FGF20: variants seen among roughly 807,000 people sequenced by gnomAD.
FGF20 encodes the protein fibroblast growth factor 20.
FGF20 carries 8 observed loss-of-function variants against 16.7 expected under a neutral mutation model. The ratio of observed to expected loss-of-function variants is 0.48; its 90% CI spans 0.28 to 0.87. FGF20 has a LOEUF of 0.87. FGF20 is among the 40% of genes least tolerant of loss of function. FGF20 has a pLI of 0.10. For missense variants in FGF20, 397 were observed against 281.4 expected (o/e 1.41, Z -2.94); for synonymous variants, 161 against 118.6 (o/e 1.36, Z -2.32).
chr8:17,001,534 T>C (rs1338155406), intron 1 of FGF20, among the ~76,000 whole-genome samples: 3 of 152,086 alleles, frequency 2.0e-5, no homozygotes, highest in Non-Finnish European at 4.4e-5. Context: ...TGCTAGAGGC[T>C]GCGGCGACAA....
chr8:16,998,003 C>T (rs1339922888), intron 1 of FGF20, among the ~76,000 whole-genome samples: 1 of 152,018 alleles, frequency 6.6e-6, no homozygotes, highest in African/African-American at 2.4e-5. Context: ...TTTCAAAGAA[C>T]AGGAACTGAT....
rs781141497 is a variant in FGF20 at position 17,002,058 on chromosome 8, GA to G, written c.-27del. On this transcript the variant is annotated 5_prime_UTR_variant, in exon 1 of 3. Transcript: ENST00000180166. ...GGAGGGGGAGATCCGGAACACAAAA[GA>G]CCCCCCCAGTAAAGAGTGTTGTGGG... 4.7e-5 allele frequency: 71 copies of G among 1,516,522 alleles called. No individual in the cohort carries two copies. Among genetic ancestry groups the G allele is most frequent in the Non-Finnish European group, 5.8e-5 (66 of 1,134,706 alleles). 93.9% of individuals were successfully genotyped at this position (1,516,522 alleles called of 1,614,324 possible). A position where few individuals can be genotyped will look rare whatever the true frequency, so the allele number is the denominator to read the frequency against.
rs566682826 is a variant in FGF20, at chr8:16,995,480, G to C, written c.390+175C>G. Among the ~76,000 whole-genome samples the C allele has an allele frequency of 2.6e-5, 4 of 152,198 alleles. No homozygotes were observed. In the South Asian group the frequency reaches 6.2e-4, roughly 24 times the overall value. ...GGTTGGGGGTTTTAAAAATATAATT[G>C]AGTTACTATACTATTGCCCAGACAC... On this transcript the variant is annotated intron_variant, in intron 2 of 2. Coordinates refer to ENST00000180166, the MANE Select transcript of FGF20 (RefSeq NM_019851.3).
chr8:16,992,193 T>G lies in FGF20; in HGVS notation c.*879A>C, dbSNP rs1215431366. The G allele has an allele frequency of 1.3e-5, 2 of 152,190 alleles. No homozygotes were observed. The highest frequency in any genetic ancestry group is 4.8e-5 in the African/African-American group (2 of 41,466). 9.4% of individuals were successfully genotyped at this position (152,190 alleles called of 1,614,324 possible). On this transcript the variant is annotated 3_prime_UTR_variant, in exon 3 of 3. Transcript: ENST00000180166. ...AGCCAAAACACTGCATGAAAATGTT[T>G]AATTCCCTTTTGAATGTGTGTTGAA... is the stretch of plus-strand genomic sequence containing the variant.
At chr8:17,001,697 G>T in intron 1 of FGF20, 50 bp downstream of exon 1, 1 of 1,511,352 alleles carries the variant, frequency 6.6e-7, no homozygotes, top group Non-Finnish European at 8.8e-7. Flanking sequence ...AGGGAACGAG[G>T]AGCCGAGCTG....
intron 1 of FGF20, 48 bp downstream of exon 1, chr8:17,001,699 G>T (rs1000581619): frequency 2.0e-6 from 3 of 1,513,614 alleles, no homozygotes; most frequent in Non-Finnish European, 1.8e-6. Flanking sequence ...GGAACGAGGA[G>T]CCGAGCTGGG....
chr8:16,993,524 G>T (rs1228305512), intron 2 of FGF20, among the ~76,000 whole-genome samples: 1 of 151,234 alleles, frequency 6.6e-6, no homozygotes, highest in African/African-American at 2.4e-5. Context: ...TAAAGTTGCA[G>T]TCCCCACCTC....
chr8:16,993,765 G>A (rs565380109), intron 2 of FGF20, among the ~76,000 whole-genome samples: 27 of 152,218 alleles, frequency 1.8e-4, no homozygotes, highest in African/African-American at 6.3e-4. Flanking sequence ...GGGGGTGAAC[G>A]GATGCAGTGA....
intron 1 of FGF20, among the ~76,000 whole-genome samples, chr8:17,001,179 CA>C (rs1810171634): frequency 6.6e-6 from 1 of 151,954 alleles, no homozygotes; most frequent in South Asian, 2.1e-4. Flanking sequence ...TGAACATTTG[CA>C]AGTCTCTAGG....
At chr8:16,994,394 A>C (rs1809995572) in intron 2 of FGF20, among the ~76,000 whole-genome samples, 1 of 152,208 alleles carries the variant, frequency 6.6e-6, no homozygotes, top group Non-Finnish European at 1.5e-5. Flanking sequence ...TTGTCTTTTC[A>C]AAATGGACTG....
In FGF20 at chr8:17,002,011, C is replaced by T. The variant is rs1236847607; in HGVS notation, c.22G>A (p.Gly8Arg). Residue 8 changes from glycine to arginine, a missense_variant, in exon 1 of 3, where the codon GGG becomes AGG. By Grantham distance (125) the Gly-to-Arg change is moderately radical. Transcript: ENST00000180166. The part of the protein sequence containing the change: MAPLAEV[G>R]GFLGGLEGLG... Reference sequence around the variant, plus strand: ...CCCTCCAGGCCGCCCAGAAAGCCCCCGACTTCGGCTAAGGGAGCCATGGAG... The same window carrying T: ...CCCTCCAGGCCGCCCAGAAAGCCCCTGACTTCGGCTAAGGGAGCCATGGAG... The T allele has an allele frequency of 1.3e-6, 2 of 1,537,320 alleles. No individual in the cohort carries two copies. Among genetic ancestry groups the T allele is most frequent in the Admixed American group, 4.0e-5 (2 of 50,332 alleles).
chr8:17,002,042 G>T lies in FGF20; in HGVS notation c.-10C>A. ...CGGCTAAGGGAGCCATGGAGGGGGA[G>T]ATCCGGAACACAAAAGACCCCCCCA... On this transcript the variant is annotated 5_prime_UTR_variant, in exon 1 of 3. Transcript: ENST00000180166. The T allele has an allele frequency of 6.5e-7, 1 of 1,535,998 alleles. No homozygotes were observed. The highest frequency in any genetic ancestry group is 8.8e-7 in the Non-Finnish European group (1 of 1,142,390).
At chr8:16,994,850 G>C (rs943707759) in intron 2 of FGF20, among the ~76,000 whole-genome samples, 1 of 152,072 alleles carries the variant, frequency 6.6e-6, no homozygotes, top group Non-Finnish European at 1.5e-5. Flanking sequence ...TCTTATAAAA[G>C]CATTTAGGCA....
intron 1 of FGF20, among the ~76,000 whole-genome samples, chr8:16,998,583 A>T (rs1021694891): frequency 3.3e-5 from 5 of 152,172 alleles, no homozygotes; most frequent in Non-Finnish European, 7.3e-5. Flanking sequence ...CCAGTGTCCC[A>T]TAAAAAGACT....
chr8:16,995,897 A>G (rs1486961708), intron 1 of FGF20, 139 bp from the exon 2 acceptor site: 2 of 516,010 alleles, frequency 3.9e-6, no homozygotes, highest in Admixed American at 3.6e-5. Flanking sequence ...AGTCCTTTGT[A>G]CACTGGAAAC....
intron 2 of FGF20, among the ~76,000 whole-genome samples, chr8:16,993,964 C>T (rs1809980325): frequency 6.6e-6 from 1 of 152,170 alleles, no homozygotes; most frequent in South Asian, 2.1e-4. Flanking sequence ...CGCTCACTTG[C>T]CTGCTGCTCA....
rs1809955344 is a variant in FGF20, at chr8:16,993,156, A to G, written c.552T>C (p.His184=). 1.2e-6 allele frequency: 2 copies of G among 1,613,954 alleles called. No homozygotes were observed. Among genetic ancestry groups the G allele is most frequent in the Non-Finnish European group, 1.7e-6 (2 of 1,180,016 alleles). ...TPRDGARSKR[H]QKFTHFLPRP... is the part of the protein sequence containing the mutation. ...TAGGTAAGAAATGTGTAAATTTCTG[A>G]TGCCTCTTGGACCTGGCGCCATCTC... The change falls in exon 3 of 3, where the codon CAT becomes CAC. Residue 184 remains histidine (H), a synonymous_variant. Transcript: ENST00000180166.
At chr8:16,997,197 T>A (rs1212982563) in intron 1 of FGF20, among the ~76,000 whole-genome samples, 1 of 152,204 alleles carries the variant, frequency 6.6e-6, no homozygotes, top group Non-Finnish European at 1.5e-5. Flanking sequence ...TCACCCTTTT[T>A]TTTCTGCACA....
chr8:16,998,985 A>C (rs1810121820), intron 1 of FGF20, among the ~76,000 whole-genome samples: 1 of 152,230 alleles, frequency 6.6e-6, no homozygotes, highest in South Asian at 2.1e-4. Flanking sequence ...AAAAAACATA[A>C]TAATTTAATA....
Sources: gnomAD v4.1 joint callset for allele counts (sites outside exome capture counted in the v4.1 genomes callset) on GRCh38, gnomAD v4.1.1 for gene constraint, MANE v1.5 for transcripts, NCBI Gene and HGNC (gene_info 2026-07-23, HGNC 2026-07-21) for gene names.